The following RAPGEFL1 variants were observed in gnomAD, a reference collection of about 807,000 sequenced individuals.
The protein encoded by RAPGEFL1 is rap guanine nucleotide exchange factor-like 1.
In RAPGEFL1, 31 loss-of-function variants were observed where a neutral mutation model predicts 64.4. The ratio of observed to expected loss-of-function variants is 0.48; its 90% confidence interval spans 0.36 to 0.65. The LOEUF is 0.65. Among genes scored for constraint, RAPGEFL1 ranks in the 30% least tolerant of loss-of-function variants. The pLI, the probability that RAPGEFL1 is intolerant of heterozygous loss-of-function variation, is 0.00. For missense variants in RAPGEFL1, 682 were observed against 677.4 expected (o/e 1.01, Z -0.08); for synonymous variants, 331 against 274.1 (o/e 1.21, Z -2.05).
In RAPGEFL1 at chr17:40,191,002, T is replaced by A; in HGVS notation, c.1335+240T>A. The A allele has an allele frequency of 1.6e-6, 1 of 607,112 alleles. No homozygotes were observed. The highest frequency in any genetic ancestry group is 2.8e-6 in the Non-Finnish European group (1 of 355,508). The allele number at this position is 607,112 out of a possible 1,614,324, so 37.6% of individuals were successfully genotyped here. On this transcript the variant is annotated intron_variant, in intron 8 of 14. Coordinates refer to ENST00000620260, the MANE Select transcript of RAPGEFL1 (RefSeq NM_016339.6). The surrounding 1 kb of genome is among the most constrained non-coding windows in gnomAD (Gnocchi z 5.1). ...GAACCTGACCCAGGATTTCTATTTT[T>A]AAAATATTCACTATTAAAGAAATAA...
chr17:40,179,352 C>T (rs8069764), intron 1 of RAPGEFL1, among the ~76,000 whole-genome samples: 2,029 of 152,258 alleles, frequency 0.013, 48 homozygotes, highest in African/African-American at 0.047. Flanking sequence ...AGGCGTGAGC[C>T]ACTGGCCTGG....
Position 40,178,166 on chromosome 17 carries a change from G to C in RAPGEFL1, c.305G>C (p.Trp102Ser). The C allele has an allele frequency of 1.8e-6, 1 of 558,186 alleles. No homozygotes were observed. The highest frequency in any genetic ancestry group is 3.2e-6 in the Non-Finnish European group (1 of 314,462). 34.6% of individuals were successfully genotyped at this position (558,186 alleles called of 1,614,324 possible). The change falls in exon 1 of 15, where the codon TGG becomes TCG. Residue 102 changes from tryptophan to serine, a missense_variant. By Grantham distance (177) the Trp-to-Ser change is radical. Coordinates refer to ENST00000620260, the MANE Select transcript of RAPGEFL1 (RefSeq NM_016339.6). ...GAGCCGGGCAGCGGGGGGCCCTGCT[G>C]GCTGCAGCTGGAGGAGGTGCCGGGG... ...AEEPGSGGPC[W>S]LQLEEVPGPG...
intron 5 of RAPGEFL1, 39 bp from the exon 6 acceptor site, chr17:40,189,169 C>G (rs767868178): frequency 2.6e-5 from 41 of 1,601,780 alleles, no homozygotes; most frequent in Non-Finnish European, 3.3e-5. Context: ...TGCTGCCACT[C>G]TGCCCTCTGT....
intron 10 of RAPGEFL1, 129 bp from the exon 11 acceptor site, chr17:40,192,084 C>T: frequency 1.2e-6 from 1 of 815,882 alleles, no homozygotes; most frequent in South Asian, 1.5e-5. Context: ...TCCCCACCCA[C>T]CAGCTTCCCA....
chr17:40,191,916 G>T lies in RAPGEFL1; in HGVS notation c.1605+244G>T, dbSNP rs1990288707. 6.6e-6 allele frequency among the ~76,000 whole-genome samples: 1 copy of T among 152,222 alleles called. No individual in the cohort carries two copies. The highest frequency in any genetic ancestry group is 6.5e-5 in the Admixed American group (1 of 15,282). ...AGGCAGCCCTTGGCCAGGTCAGGTC[G>T]CAGACTTGGCTGTGGGAGTTGGGCT... is the stretch of plus-strand genomic sequence containing the variant. On this transcript the variant is annotated intron_variant, in intron 10 of 14. Coordinates refer to ENST00000620260, the MANE Select transcript of RAPGEFL1 (RefSeq NM_016339.6). The surrounding 1 kb of genome is among the most constrained non-coding windows in gnomAD (Gnocchi z 5.1).
In RAPGEFL1 at chr17:40,184,650, C is replaced by T. The variant is rs1325913875; in HGVS notation, c.805C>T (p.His269Tyr). Reference protein sequence around the residue: ...QGLREDTLRLHQLVETVELKI... With the variant: ...QGLREDTLRLYQLVETVELKI... ...CCTCCGAGAGGACACTCTGAGGCTG[C>T]ACCAGCTGGTGGAGACGGTGGAACT... Residue 269 changes from histidine (H) to tyrosine (Y), a missense_variant, in exon 4 of 15, where the codon CAC (histidine) becomes TAC (tyrosine). Around this residue, in one of 2 missense-constraint regions of RAPGEFL1, gnomAD observed 271 missense variants for 158.0 expected, o/e 1.72. Transcript: ENST00000620260. 6.3e-7 allele frequency: 1 copy of T among 1,590,756 alleles called. No homozygotes were observed. The highest frequency in any genetic ancestry group is 1.7e-5 in the Admixed American group (1 of 58,398).
In RAPGEFL1 at chr17:40,184,254, G is replaced by A; in HGVS notation, c.640G>A (p.Gly214Ser). The change falls in exon 3 of 15, where the codon GGC becomes AGC. Residue 214 changes from glycine to serine, a missense_variant. Gly to Ser is a moderately conservative substitution (Grantham distance 56). Coordinates refer to ENST00000620260, the MANE Select transcript of RAPGEFL1 (RefSeq NM_016339.6). ...AGGMEGPEGL[G>S]RKQACLAMLL... is the part of the protein sequence containing the mutation. ...AGGCATGGAGGGCCCTGAAGGGCTG[G>A]GCCGGAAGCAAGCCTGTCTAGCCAT... The A allele has an allele frequency of 6.2e-7, 1 of 1,613,628 alleles. No individual in the cohort carries two copies. The highest frequency in any genetic ancestry group is 8.5e-7 in the Non-Finnish European group (1 of 1,179,888).
chr17:40,189,913 C>A (rs1990202788), intron 6 of RAPGEFL1, among the ~76,000 whole-genome samples: 1 of 151,276 alleles, frequency 6.6e-6, no homozygotes, highest in Non-Finnish European at 1.5e-5. Context: ...GAGATCAAGA[C>A]ACTGTGCTCC....
intron 13 of RAPGEFL1, 138 bp from the exon 14 acceptor site, chr17:40,193,225 T>C: frequency 1.9e-6 from 2 of 1,038,166 alleles, no homozygotes; most frequent in South Asian, 1.4e-5. Flanking sequence ...TTACACCCAC[T>C]CCTTTGGTCC....
Position 40,194,943 on chromosome 17 carries a change from C to T in RAPGEFL1, c.*1155C>T, listed in dbSNP as rs758910171. 6.6e-6 allele frequency: 1 copy of T among 152,654 alleles called. No individual in the cohort carries two copies. Among genetic ancestry groups the T allele is most frequent in the African/African-American group, 2.4e-5 (1 of 41,454 alleles). The allele number at this position is 152,654 out of a possible 1,614,324, so 9.5% of individuals were successfully genotyped here. On this transcript the variant is annotated 3_prime_UTR_variant, in exon 15 of 15. Coordinates refer to ENST00000620260, the MANE Select transcript of RAPGEFL1 (RefSeq NM_016339.6). ...GGCAAGGCCTTTATTACCTTTACTC[C>T]CCTCCCTCTCCCATCACCAGCCTCA...
rs1464698772 is a variant in RAPGEFL1 at position 40,178,002 on chromosome 17, CG to C, written c.146del (p.Gly49AspfsTer89). 1 of 495,658 alleles carries C rather than the reference CG, an allele frequency of 2.0e-6. No individual in the cohort carries two copies. The highest frequency in any genetic ancestry group is 2.8e-5 in the South Asian group (1 of 35,732). The allele number at this position is 495,658 out of a possible 1,614,324, so 30.7% of individuals were successfully genotyped here. On this transcript the variant is annotated frameshift_variant, in exon 1 of 15. Transcript: ENST00000620260. LOFTEE classifies it high-confidence loss of function. ...GGPGGGGGPA[G>X]GQRSLQRRQS... ...GACCCGGCGGGGGCGGCGGTCCAGC[CG>C]GGGGACAGCGGTCGTTGCAGCGGCG...
chr17:40,189,268 C>G lies in RAPGEFL1; in HGVS notation c.1007C>G (p.Ala336Gly). The change falls in exon 6 of 15, where the codon GCA becomes GGA. Residue 336 changes from alanine to glycine, a missense_variant. Physicochemically the swap from Ala to Gly is moderately conservative, Grantham distance 60. This residue lies in a region of RAPGEFL1 where 411 missense variants were observed against 519.4 expected (regional missense o/e 0.79). Coordinates refer to ENST00000620260, the MANE Select transcript of RAPGEFL1 (RefSeq NM_016339.6). ...GTGACCATACGCAGCCGCCTTTCAG[C>G]ATCTGTGCAGGACATTCTGGGCTCT... ...SYVTIRSRLSASVQDILGSVT... is the reference protein window; with the variant it reads ...SYVTIRSRLSGSVQDILGSVT... 1 of 1,614,108 alleles carries G rather than the reference C, an allele frequency of 6.2e-7. No homozygotes were observed. The highest frequency in any genetic ancestry group is 8.5e-7 in the Non-Finnish European group (1 of 1,179,940).
At chr17:40,180,659 C>A (rs1345661790) in intron 1 of RAPGEFL1, among the ~76,000 whole-genome samples, 1 of 152,192 alleles carries the variant, frequency 6.6e-6, no homozygotes, top group East Asian at 1.9e-4. Flanking sequence ...CCAGGCAAGT[C>A]CCTCCCAGCT....
At chr17:40,188,802 T>C in intron 4 of RAPGEFL1, 64 bp from the exon 5 acceptor site, 1 of 1,290,888 alleles carries the variant, frequency 7.7e-7, no homozygotes, top group Non-Finnish European at 1.1e-6. Context: ...TGATGTTGCC[T>C]GCTTGGTGTT....
At position 40,191,724 on chromosome 17, in the gene RAPGEFL1, C is replaced by CCGAAGTGCGTCCTCCCGGGA; in HGVS notation, c.1605+55_1605+74dup. 1 of 1,547,466 alleles carries CCGAAGTGCGTCCTCCCGGGA rather than the reference C, an allele frequency of 6.5e-7. No individual in the cohort carries two copies. The highest frequency in any genetic ancestry group is 2.3e-5 in the East Asian group (1 of 43,008). On this transcript the variant is annotated intron_variant, in intron 10 of 14. Transcript: ENST00000620260. This position sits in a 1 kb window ranked among gnomAD's most constrained non-coding sequence, Gnocchi z 5.1. The stretch of plus-strand genomic sequence containing the variant: ...TGGGAATCTGGGCATCCCGGGCTCC[C>CCGAAGTGCGTCCTCCCGGGA]CGAAGTGCGTCCTCCCGGGACGGCC...
chr17:40,191,556 C>T lies in RAPGEFL1; in HGVS notation c.1515-26C>T. 6.4e-7 allele frequency: 1 copy of T among 1,572,892 alleles called. No individual in the cohort carries two copies. ...CCGGAGGCCCGCGCCGCCGCCCGCC[C>T]CTGACCCCGCCTCCCACCCCCGCAG... is the stretch of plus-strand genomic sequence containing the variant. On this transcript the variant is annotated intron_variant, in intron 9 of 14. Coordinates refer to ENST00000620260, the MANE Select transcript of RAPGEFL1 (RefSeq NM_016339.6). The surrounding 1 kb of genome is among the most constrained non-coding windows in gnomAD (Gnocchi z 5.1).
chr17:40,179,066 C>CT (rs113460127), intron 1 of RAPGEFL1, among the ~76,000 whole-genome samples: 281 of 142,652 alleles, frequency 2.0e-3, no homozygotes, highest in Middle Eastern at 7.2e-3. Context: ...CAGCACCCGG[C>CT]TTTTTTTTTT....
chr17:40,194,718 C>T lies in RAPGEFL1; in HGVS notation c.*930C>T, dbSNP rs1163429491. ...CCCACACTCCTGCTTTTTGGGATAT[C>T]TAACTGCTAAGGAGGGAGTTGACAT... On this transcript the variant is annotated 3_prime_UTR_variant, in exon 15 of 15. Coordinates refer to ENST00000620260, the MANE Select transcript of RAPGEFL1 (RefSeq NM_016339.6). The T allele has an allele frequency of 6.6e-6, 1 of 152,536 alleles. No individual in the cohort carries two copies. The highest frequency in any genetic ancestry group is 1.5e-5 in the Non-Finnish European group (1 of 68,114). The allele number at this position is 152,536 out of a possible 1,614,324, so 9.4% of individuals were successfully genotyped here.
At chr17:40,193,620 A>G in intron 14 of RAPGEFL1, 44 bp from the exon 15 acceptor site, 1 of 1,613,722 alleles carries the variant, frequency 6.2e-7, no homozygotes, top group Non-Finnish European at 8.5e-7. Context: ...TAGAGGAAGA[A>G]GGGAAGCTGG....
Sources: allele counts gnomAD v4.1 joint callset (sites outside exome capture counted in the v4.1 genomes callset), GRCh38; gene constraint gnomAD v4.1.1; regional missense constraint gnomAD v4.1.1; non-coding constraint Gnocchi (gnomAD v3.1); transcripts MANE v1.5; gene names NCBI Gene and HGNC (gene_info 2026-07-23, HGNC 2026-07-21).